The following SUV39H2 variants were observed in gnomAD, a reference collection of about 807,000 sequenced individuals.
The protein encoded by SUV39H2 is histone-lysine N-methyltransferase SUV39H2.
SUV39H2 carries 10 observed loss-of-function variants against 47.5 expected under a neutral mutation model. The observed-to-expected ratio is 0.21, with a 90% CI of 0.13 to 0.36. The LOEUF is 0.36. SUV39H2 is among the 10% of genes least tolerant of loss of function. The pLI is 1.00. For missense variants in SUV39H2, 266 were observed against 487.4 expected, an observed-to-expected ratio of 0.55 and a Z score of 4.28; for synonymous variants, 159 against 166.8, an observed-to-expected ratio of 0.95 and a Z score of 0.36.
chr10:14,890,464 C>G (rs578243166), intron 2 of SUV39H2, among the ~76,000 whole-genome samples: 2 of 152,338 alleles, frequency 1.3e-5, no homozygotes, highest in East Asian at 3.9e-4. Context: ...CTGATCTTGG[C>G]TCACTGCAGC....
intron 2 of SUV39H2, among the ~76,000 whole-genome samples, chr10:14,895,262 C>G (rs971339047): frequency 1.3e-5 from 2 of 151,680 alleles, no homozygotes; most frequent in Non-Finnish European, 2.9e-5. Context: ...CTGCAACCTC[C>G]TCCTCCTGGG....
At chr10:14,881,953 C>T (rs187016176) in intron 2 of SUV39H2, among the ~76,000 whole-genome samples, 3 of 152,276 alleles carry the variant, frequency 2.0e-5, no homozygotes, top group Admixed American at 6.5e-5. Context: ...GTTCGTGGAT[C>T]GTATTTCCCC....
At chr10:14,896,719 T>G in intron 2 of SUV39H2, 127 bp from the exon 3 acceptor site, 1 of 686,704 alleles carries the variant, frequency 1.5e-6, no homozygotes, top group South Asian at 2.3e-5. Flanking sequence ...AACCTGTGAC[T>G]ACATGTTCTG....
chr10:14,885,170 G>C (rs1476026415), intron 2 of SUV39H2, among the ~76,000 whole-genome samples: 2 of 152,022 alleles, frequency 1.3e-5, no homozygotes, highest in African/African-American at 4.8e-5. Flanking sequence ...TATGTGTTTG[G>C]CTCATTCAAT....
intron 2 of SUV39H2, among the ~76,000 whole-genome samples, chr10:14,896,279 G>A (rs536213474): frequency 6.6e-6 from 1 of 152,114 alleles, no homozygotes; most frequent in Non-Finnish European, 1.5e-5. Flanking sequence ...TCTCAATTCA[G>A]ATTGGCCACA....
intron 2 of SUV39H2, among the ~76,000 whole-genome samples, chr10:14,893,036 G>GCT (rs1833443505): frequency 7.6e-6 from 1 of 131,756 alleles, no homozygotes; most frequent in South Asian, 2.5e-4. Context: ...ACGGAGTCTC[G>GCT]CTGTCGCCCA....
At chr10:14,902,371 C>T (rs1034788029) in intron 5 of SUV39H2, 35 bp from the exon 6 acceptor site, 2 of 1,419,276 alleles carry the variant, frequency 1.4e-6, no homozygotes, top group Non-Finnish European at 1.9e-6. Context: ...TGTCTTAACT[C>T]TCTTTCTCCT....
At chr10:14,886,009 A>G (rs893239127) in intron 2 of SUV39H2, among the ~76,000 whole-genome samples, 1 of 152,150 alleles carries the variant, frequency 6.6e-6, no homozygotes, top group African/African-American at 2.4e-5. Flanking sequence ...TCATCTGGCC[A>G]CCCGCCACCT....
intron 2 of SUV39H2, among the ~76,000 whole-genome samples, chr10:14,889,051 T>C (rs535436896): frequency 5.2e-4 from 78 of 151,332 alleles, no homozygotes; most frequent in African/African-American, 1.7e-3. Context: ...TGCAGTGAGC[T>C]GAGATCGTGC....
In SUV39H2 at chr10:14,901,266, T is replaced by C. The variant is rs777103967; in HGVS notation, c.1126+4T>C. The C allele has an allele frequency of 2.5e-6, 4 of 1,613,620 alleles. No individual in the cohort carries two copies. The African/African-American group carries it at 4.0e-5, about 16-fold the overall frequency. ...ACTTTTGATTATCAAATGAAAGGTA[T>C]GCTTTTCAAGTACAGTTTCATTGGT... On this transcript the variant is annotated splice_donor_region_variant and intron_variant, in intron 5 of 5. Transcript: ENST00000354919.
chr10:14,885,902 A>G (rs1472239336), intron 2 of SUV39H2, among the ~76,000 whole-genome samples: 2 of 152,216 alleles, frequency 1.3e-5, no homozygotes, highest in Non-Finnish European at 2.9e-5. Context: ...TCTTAAACCT[A>G]GCTCTGATTG....
chr10:14,885,266 A>G lies in SUV39H2; in HGVS notation c.177+3621A>G, dbSNP rs527781037. Among the ~76,000 whole-genome samples the G allele has an allele frequency of 9.2e-5, 14 of 152,000 alleles. No individual in the cohort carries two copies. In the East Asian group the frequency reaches 2.1e-3, roughly 23 times the overall value. On this transcript the variant is annotated intron_variant, in intron 2 of 5. Transcript: ENST00000354919. ...CAAGTTCACATTCAAAACTGCACCT[A>G]TTTTCCTCCTTCATACCTGGATTTT...
intron 2 of SUV39H2, among the ~76,000 whole-genome samples, chr10:14,894,018 T>A (rs1270970471): frequency 6.6e-6 from 1 of 152,236 alleles, no homozygotes; most frequent in Non-Finnish European, 1.5e-5. Flanking sequence ...TGCATTGCTT[T>A]ATTCTAGCAT....
chr10:14,895,468 A>G (rs1032663091), intron 2 of SUV39H2, among the ~76,000 whole-genome samples: 7 of 152,138 alleles, frequency 4.6e-5, no homozygotes, highest in Non-Finnish European at 8.8e-5. Flanking sequence ...GACCCACCGC[A>G]CCCAGCCGGA....
chr10:14,886,398 A>T (rs1042998297), intron 2 of SUV39H2, among the ~76,000 whole-genome samples: 2 of 152,214 alleles, frequency 1.3e-5, no homozygotes, highest in African/African-American at 4.8e-5. Flanking sequence ...CCATTACTCT[A>T]GAACTTGTCG....
chr10:14,891,206 C>T (rs796584178), intron 2 of SUV39H2, among the ~76,000 whole-genome samples: 5 of 152,256 alleles, frequency 3.3e-5, no homozygotes, highest in African/African-American at 1.2e-4. Context: ...GGGAAAGGCC[C>T]TCCTAATTAG....
At position 14,897,024 on chromosome 10, in the gene SUV39H2, T is replaced by C. The variant is rs755236618; in HGVS notation, c.356T>C (p.Leu119Ser). ...ACTCCAAAAGACAATAACAAAACTT[T>C]GAAACCTGCCATTGCTGAGTACATT... ...AITPKDNNKT[L>S]KPAIAEYIVK... Residue 119 changes from leucine to serine, a missense_variant, in exon 3 of 6, where the codon TTG (leucine) becomes TCG (serine). Leu to Ser is a moderately radical substitution (Grantham distance 145). Around this residue, in one of 4 missense-constraint regions of SUV39H2, gnomAD observed 91 missense variants for 110.9 expected, o/e 0.82. Transcript: ENST00000354919. 8.1e-6 allele frequency: 13 copies of C among 1,613,930 alleles called. No homozygotes were observed. In the Admixed American group the frequency reaches 1.2e-4, roughly 14 times the overall value.
At chr10:14,889,848 T>A (rs137910239) in intron 2 of SUV39H2, among the ~76,000 whole-genome samples, 354 of 152,338 alleles carry the variant, frequency 2.3e-3, no homozygotes, top group Non-Finnish European at 4.3e-3. Flanking sequence ...TGAGTCTCAA[T>A]GCAAGGTGAT....
At chr10:14,899,332 C>A in intron 3 of SUV39H2, 2 of 692,238 alleles carry the variant, frequency 2.9e-6, no homozygotes, top group South Asian at 3.1e-5. Flanking sequence ...AAAAAAAGGT[C>A]ATCAGTCTTT....
Sources: allele counts gnomAD v4.1 joint callset (sites outside exome capture counted in the v4.1 genomes callset), GRCh38; gene constraint gnomAD v4.1.1; regional missense constraint gnomAD v4.1.1; transcripts MANE v1.5; gene names NCBI Gene and HGNC (gene_info 2026-07-23, HGNC 2026-07-21).